A2ML1: variants seen among roughly 807,000 people sequenced by gnomAD.
The protein encoded by A2ML1 is alpha-2-macroglobulin like 1.
A2ML1 carries 161 observed loss-of-function variants against 181.9 expected under a neutral mutation model. The observed-to-expected ratio is 0.89, with a 90% CI of 0.78 to 1.01. The LOEUF is 1.01. Ranked by LOEUF, A2ML1 falls within the 50% of genes least tolerant of loss-of-function variation. A2ML1 has a pLI of 0.00. For synonymous variants in A2ML1, 663 were observed against 666.8 expected (o/e 0.99, Z 0.09); for missense variants, 1,670 against 1,768.1 (o/e 0.94, Z 1.00).
chr12:8,862,273 G>T (rs770247391), intron 28 of A2ML1, among the ~76,000 whole-genome samples: 18 of 151,936 alleles, frequency 1.2e-4, no homozygotes, highest in Non-Finnish European at 2.4e-4. Flanking sequence ...TGCAATCTTG[G>T]CTCACTGCAA....
At chr12:8,832,172 C>T (rs1943138562) in intron 4 of A2ML1, among the ~76,000 whole-genome samples, 1 of 152,064 alleles carries the variant, frequency 6.6e-6, no homozygotes, top group Non-Finnish European at 1.5e-5. Context: ...TGTTTTCCTC[C>T]TCCTGGGTGG....
rs1043027422 is a variant in A2ML1 at position 8,854,917 on chromosome 12, C to T, written c.2764+86C>T. ...TTTCATTTTTTTTTTTTTTTTGAGACGGAGTCTCGCTCCGTCGTCCAGGCT... is the reference window on the plus strand; with the variant it reads ...TTTCATTTTTTTTTTTTTTTTGAGATGGAGTCTCGCTCCGTCGTCCAGGCT... On this transcript the variant is annotated intron_variant, in intron 22 of 35. Coordinates refer to ENST00000299698, the MANE Select transcript of A2ML1 (RefSeq NM_144670.6). The T allele has an allele frequency of 1.0e-4, 128 of 1,219,364 alleles. 1 individual carries two copies. Among genetic ancestry groups the T allele is most frequent in the Middle Eastern group, 5.6e-4 (2 of 3,588 alleles). 75.5% of individuals were successfully genotyped at this position (1,219,364 alleles called of 1,614,324 possible). A position where few individuals can be genotyped will look rare whatever the true frequency, so the allele number is the denominator to read the frequency against.
intron 14 of A2ML1, among the ~76,000 whole-genome samples, chr12:8,846,727 C>T (rs1448112220): frequency 1.3e-5 from 2 of 150,510 alleles, no homozygotes; most frequent in Non-Finnish European, 2.9e-5. Flanking sequence ...AGGAGAATTG[C>T]ATGAACCCAG....
chr12:8,846,313 A>T, intron 14 of A2ML1, 91 bp downstream of exon 14: 1 of 1,479,968 alleles, frequency 6.8e-7, no homozygotes, highest in South Asian at 1.2e-5. Flanking sequence ...CAAGTCAGGG[A>T]AAGAAGATAG....
downstream of A2ML1, chr12:8,876,811 C>A (rs1182110169): frequency 6.6e-6 from 1 of 152,106 alleles, no homozygotes; most frequent in Non-Finnish European, 1.5e-5. Context: ...ATGCATATTT[C>A]TTTGGAAACC....
chr12:8,837,320 A>C (rs11047510), intron 7 of A2ML1, 120 bp from the exon 8 acceptor site: 37 of 1,386,178 alleles, frequency 2.7e-5, no homozygotes, highest in Non-Finnish European at 3.7e-5. Context: ...GCACTGGCCC[A>C]GATTGTCAGA....
At chr12:8,837,664 G>A (rs901186813) in intron 8 of A2ML1, 98 bp downstream of exon 8, 91 of 1,340,024 alleles carry the variant, frequency 6.8e-5, no homozygotes, top group Non-Finnish European at 8.8e-5. Context: ...GGCGGATCAC[G>A]AGGTCAGGAG....
Position 8,857,572 on chromosome 12 carries a change from G to A in A2ML1, c.3091G>A (p.Gly1031Arg), listed in dbSNP as rs1298443984. 1 of 1,611,194 alleles carries A rather than the reference G, an allele frequency of 6.2e-7. No individual in the cohort carries two copies. The highest frequency in any genetic ancestry group is 2.2e-5 in the East Asian group (1 of 44,864). ...ATACAGTGCCTTTGGGGAGCGAGAT[G>A]GAAATGGAAACACATGGTAATATCA... ...GSYSAFGERD[G>R]NGNTWLTAFV... Residue 1031 changes from glycine (G) to arginine (R), a missense_variant, in exon 25 of 36, where the codon GGA becomes AGA. Gly to Arg is a moderately radical substitution (Grantham distance 125). Coordinates refer to ENST00000299698, the MANE Select transcript of A2ML1 (RefSeq NM_144670.6).
chr12:8,837,511 A>T lies in A2ML1; in HGVS notation c.800A>T (p.Tyr267Phe), dbSNP rs1449684330. ...SVCQKANTYWYREVEREQLPD... is the reference protein window; with the variant it reads ...SVCQKANTYWFREVEREQLPD... ...TGTCAGAAGGCAAATACTTACTGGT[A>T]TCGAGAGGTGGAACGGGAACAGCTT... Residue 267 changes from tyrosine to phenylalanine, a missense_variant, in exon 8 of 36, where the codon TAT becomes TTT. Physicochemically the swap from Tyr to Phe is conservative, Grantham distance 22 (BLOSUM62 3). Transcript: ENST00000299698. 4 of 1,614,086 alleles carry T rather than the reference A, an allele frequency of 2.5e-6. No homozygotes were observed. The highest frequency in any genetic ancestry group is 8.5e-7 in the Non-Finnish European group (1 of 1,179,948).
chr12:8,854,970 T>C (rs1565483351), intron 22 of A2ML1, 139 bp downstream of exon 22: 4 of 852,370 alleles, frequency 4.7e-6, no homozygotes, highest in Non-Finnish European at 7.3e-6. Context: ...TTTCAGCTCA[T>C]TGCAACCTCT....
Position 8,855,595 on chromosome 12 carries a change from A to G in A2ML1, c.2848+3A>G. ...CAAGGCTTATGTTACGGTTCTGGGT[A>G]AGCAGTTAGAGATTCTTGACTCAGA... On this transcript the variant is annotated splice_donor_region_variant and intron_variant, in intron 23 of 35. Coordinates refer to ENST00000299698, the MANE Select transcript of A2ML1 (RefSeq NM_144670.6). 2 of 1,614,084 alleles carry G rather than the reference A, an allele frequency of 1.2e-6. No individual in the cohort carries two copies. The highest frequency in any genetic ancestry group is 1.7e-6 in the Non-Finnish European group (2 of 1,179,982).
chr12:8,874,412 G>T lies in A2ML1; in HGVS notation c.4222-13G>T. 1 of 1,599,360 alleles carries T rather than the reference G, an allele frequency of 6.3e-7. No homozygotes were observed. Among genetic ancestry groups the T allele is most frequent in the Non-Finnish European group, 8.6e-7 (1 of 1,166,842 alleles). ...TTACTTCTAAGGTACTGTTTCATCT[G>T]TCTTCCCCACAGCTCATTAAGAACA... On this transcript the variant is annotated splice_polypyrimidine_tract_variant and intron_variant, in intron 33 of 35. Coordinates refer to ENST00000299698, the MANE Select transcript of A2ML1 (RefSeq NM_144670.6).
intron 3 of A2ML1, among the ~76,000 whole-genome samples, chr12:8,824,796 T>C (rs1253405064): frequency 6.6e-6 from 1 of 152,190 alleles, no homozygotes; most frequent in East Asian, 1.9e-4. Flanking sequence ...ACGACTTCAA[T>C]TGTTTTAATT....
chr12:8,852,115 G>A lies in A2ML1; in HGVS notation c.2464-95G>A. 1 of 1,590,440 alleles carries A rather than the reference G, an allele frequency of 6.3e-7. No homozygotes were observed. The highest frequency in any genetic ancestry group is 8.6e-7 in the Non-Finnish European group (1 of 1,164,776). On this transcript the variant is annotated intron_variant, in intron 19 of 35. Coordinates refer to ENST00000299698, the MANE Select transcript of A2ML1 (RefSeq NM_144670.6). The surrounding 1 kb of genome is among the most constrained non-coding windows in gnomAD (Gnocchi z 4.2). ...GCATCCCAATTTTCCCTGGGAAAGA[G>A]AGGAGATGTCGGCGTCTCAGCCCCC...
At position 8,852,077 on chromosome 12, in the gene A2ML1, C is replaced by T; in HGVS notation, c.2463+65C>T. On this transcript the variant is annotated intron_variant, in intron 19 of 35. Transcript: ENST00000299698. This position sits in a 1 kb window ranked among gnomAD's most constrained non-coding sequence, Gnocchi z 4.2. ...AATCACACCTCCCCCATAAGTTTGT[C>T]TCTAAATTGGAAGCATCCCAATTTT... 1 of 1,589,918 alleles carries T rather than the reference C, an allele frequency of 6.3e-7. No homozygotes were observed. The highest frequency in any genetic ancestry group is 8.6e-7 in the Non-Finnish European group (1 of 1,162,924).
intron 15 of A2ML1, among the ~76,000 whole-genome samples, chr12:8,848,417 G>A (rs1943774312): frequency 6.6e-6 from 1 of 151,850 alleles, no homozygotes; most frequent in Non-Finnish European, 1.5e-5. Flanking sequence ...GGAGGCAGAG[G>A]TTGCAGTGAG....
intron 33 of A2ML1, among the ~76,000 whole-genome samples, chr12:8,872,807 A>C (rs1203623989): frequency 6.6e-6 from 1 of 151,200 alleles, no homozygotes; most frequent in Non-Finnish European, 1.5e-5. Flanking sequence ...AAGAAAAAGA[A>C]AAAGAAAATA....
intron 24 of A2ML1, 62 bp downstream of exon 24, chr12:8,857,402 A>G: frequency 6.3e-7 from 1 of 1,580,518 alleles, no homozygotes; most frequent in Non-Finnish European, 8.6e-7. Flanking sequence ...TGACAGATTG[A>G]TGATACAGGG....
intron 3 of A2ML1, among the ~76,000 whole-genome samples, chr12:8,826,452 T>G (rs1190647844): frequency 6.6e-6 from 1 of 151,776 alleles, no homozygotes; most frequent in African/African-American, 2.4e-5. Context: ...TTACTGAATT[T>G]TTTTTGTTTT....
Sources: gnomAD v4.1 joint callset for allele counts (sites outside exome capture counted in the v4.1 genomes callset) on GRCh38, gnomAD v4.1.1 for gene constraint, Gnocchi (gnomAD v3.1) non-coding constraint, MANE v1.5 for transcripts, NCBI Gene and HGNC (gene_info 2026-07-23, HGNC 2026-07-21) for gene names.